Variants in LDB2 observed in about 807,000 individuals in gnomAD.
LDB2 encodes the protein LIM domain binding 2, also known as LIM domain-binding protein 2.
A neutral mutation model predicts 44.3 loss-of-function variants in LDB2; 12 were observed. That is an observed-to-expected ratio of 0.27 (90% CI 0.17 to 0.44). The LOEUF (loss-of-function observed/expected upper bound fraction) is 0.44, where lower values mean the gene tolerates loss of function less well. Among genes scored for constraint, LDB2 ranks in the 20% least tolerant of loss-of-function variants. The pLI, the probability that LDB2 is intolerant of heterozygous loss-of-function variation, is 1.00. For synonymous variants in LDB2, 164 were observed against 174.8 expected, an observed-to-expected ratio of 0.94 and a Z score of 0.49; for missense variants, 344 against 473.5, an observed-to-expected ratio of 0.73 and a Z score of 2.54.
chr4:16,557,207 G>C (rs1310206379), intron 5 of LDB2, among the ~76,000 whole-genome samples: 1 of 152,208 alleles, frequency 6.6e-6, no homozygotes, highest in Non-Finnish European at 1.5e-5. Flanking sequence ...TCACTAGGGA[G>C]TGCTGGACAG....
At chr4:16,704,886 G>T (rs1317701387) in intron 2 of LDB2, among the ~76,000 whole-genome samples, 2 of 152,108 alleles carry the variant, frequency 1.3e-5, no homozygotes, top group East Asian at 3.9e-4. Flanking sequence ...GATGAATAAG[G>T]TAACATACCT....
intron 1 of LDB2, among the ~76,000 whole-genome samples, chr4:16,858,967 C>A (rs1711547333): frequency 6.6e-6 from 1 of 152,178 alleles, no homozygotes; most frequent in Non-Finnish European, 1.5e-5. Context: ...AATAAAGAGT[C>A]TTCAGATAGA....
intron 5 of LDB2, among the ~76,000 whole-genome samples, chr4:16,538,731 G>C (rs13122681): frequency 0.11 from 16,543 of 152,190 alleles, 916 homozygotes; most frequent in South Asian, 0.17. Flanking sequence ...CAATTGATCA[G>C]TCACTCATTC....
At chr4:16,847,110 T>G (rs79416171) in intron 1 of LDB2, among the ~76,000 whole-genome samples, 2,558 of 152,274 alleles carry the variant, frequency 0.017, 78 homozygotes, top group African/African-American at 0.058. Context: ...CCCCAATTAA[T>G]GAAAAATCCC....
At chr4:16,576,408 AACTAATACT>A (rs1400672045) in intron 5 of LDB2, among the ~76,000 whole-genome samples, 1 of 152,194 alleles carries the variant, frequency 6.6e-6, no homozygotes, top group African/African-American at 2.4e-5. Flanking sequence ...GAGACATTAC[AACTAATACT>A]ACAGAAATTT....
At chr4:16,531,549 C>T (rs1730154749) in intron 5 of LDB2, among the ~76,000 whole-genome samples, 1 of 152,206 alleles carries the variant, frequency 6.6e-6, no homozygotes, top group African/African-American at 2.4e-5. Flanking sequence ...AGGACCTTAT[C>T]ACTATTGCTG....
At chr4:16,511,442 A>ATATC (rs1174781288) in intron 6 of LDB2, among the ~76,000 whole-genome samples, 1 of 152,178 alleles carries the variant, frequency 6.6e-6, no homozygotes, top group Non-Finnish European at 1.5e-5. Flanking sequence ...TTGATACAAT[A>ATATC]TATCTTTAAA....
At chr4:16,895,120 T>A (rs1283210207) in intron 1 of LDB2, among the ~76,000 whole-genome samples, 48 of 124,620 alleles carry the variant, frequency 3.9e-4, no homozygotes, top group Admixed American at 5.6e-4. Flanking sequence ...TTTTTCATGC[T>A]AAAAAAAAAA....
At chr4:16,570,344 T>C (rs1165736335) in intron 5 of LDB2, among the ~76,000 whole-genome samples, 2 of 150,470 alleles carry the variant, frequency 1.3e-5, no homozygotes, top group Non-Finnish European at 3.0e-5. Context: ...GCACCTGTAG[T>C]TCCAGCTACT....
At chr4:16,890,524 C>T (rs1723063855) in intron 1 of LDB2, among the ~76,000 whole-genome samples, 1 of 152,092 alleles carries the variant, frequency 6.6e-6, no homozygotes, top group African/African-American at 2.4e-5. Flanking sequence ...TTAGGCTGGT[C>T]CAACGTGGTA....
chr4:16,784,917 C>A (rs1774067065), intron 1 of LDB2, among the ~76,000 whole-genome samples: 1 of 152,188 alleles, frequency 6.6e-6, no homozygotes, highest in East Asian at 1.9e-4. Flanking sequence ...CTGTCGACAC[C>A]CCTTTGCTCT....
intron 2 of LDB2, among the ~76,000 whole-genome samples, chr4:16,628,971 G>A (rs1329812915): frequency 6.6e-6 from 1 of 152,230 alleles, no homozygotes; most frequent in Non-Finnish European, 1.5e-5. Context: ...CTGGCTCAGT[G>A]GGTCCCATGC....
In LDB2 at chr4:16,502,006, T is replaced by C. The variant is rs2152183181; in HGVS notation, c.*637A>G. 1.3e-5 allele frequency: 2 copies of C among 152,556 alleles called. No homozygotes were observed. The highest frequency in any genetic ancestry group is 3.8e-4 in the East Asian group (2 of 5,196). The allele number at this position is 152,556 out of a possible 1,614,324, so 9.5% of individuals were successfully genotyped here. On this transcript the variant is annotated 3_prime_UTR_variant, in exon 8 of 8. Coordinates refer to ENST00000304523, the MANE Select transcript of LDB2 (RefSeq NM_001290.5). ...AAAATGACATTTCTTGTTTCAGCAC[T>C]TGGGCTAAATTGAGTCGACTCAAGA...
intron 5 of LDB2, among the ~76,000 whole-genome samples, chr4:16,512,727 A>G (rs1057450392): frequency 6.6e-6 from 1 of 152,234 alleles, no homozygotes; most frequent in African/African-American, 2.4e-5. Context: ...ACTGTAAATA[A>G]CATATGTCAA....
chr4:16,564,210 G>T (rs910563678), intron 5 of LDB2, among the ~76,000 whole-genome samples: 2 of 152,060 alleles, frequency 1.3e-5, no homozygotes, highest in African/African-American at 4.8e-5. Context: ...AAATAAACAG[G>T]CTGGGCGCTG....
chr4:16,755,512 T>A (rs1165082736), intron 2 of LDB2, among the ~76,000 whole-genome samples: 34 of 98,994 alleles, frequency 3.4e-4, no homozygotes, highest in African/African-American at 1.1e-3. Context: ...TGTGTGTGTG[T>A]GTGTGTGTGT....
chr4:16,566,671 TCA>T (rs1406469992), intron 5 of LDB2, among the ~76,000 whole-genome samples: 1 of 152,032 alleles, frequency 6.6e-6, no homozygotes, highest in Non-Finnish European at 1.5e-5. Context: ...CCACATCATC[TCA>T]CACAAACAAA....
intron 1 of LDB2, among the ~76,000 whole-genome samples, chr4:16,795,901 T>C (rs1776640037): frequency 6.6e-6 from 1 of 152,162 alleles, no homozygotes; most frequent in Non-Finnish European, 1.5e-5. Flanking sequence ...TTGGATCCCA[T>C]GGAATATTAA....
At chr4:16,628,749 G>A (rs564349112) in intron 2 of LDB2, among the ~76,000 whole-genome samples, 84 of 152,262 alleles carry the variant, frequency 5.5e-4, no homozygotes, top group Admixed American at 1.9e-3. Flanking sequence ...CACTGGGACT[G>A]GTTGGACAGT....
Sources: gnomAD v4.1 joint callset for allele counts (sites outside exome capture counted in the v4.1 genomes callset) on GRCh38, gnomAD v4.1.1 for gene constraint, MANE v1.5 for transcripts, NCBI Gene and HGNC (gene_info 2026-07-23, HGNC 2026-07-21) for gene names.